Variants in AMN1 observed in about 807,000 individuals in gnomAD.
The protein encoded by AMN1 is antagonist of mitotic exit network 1 homolog.
AMN1 carries 20 observed loss-of-function variants against 33.0 expected under a neutral mutation model. The observed-to-expected ratio is 0.61, with a 90% confidence interval of 0.43 to 0.88. The LOEUF (loss-of-function observed/expected upper bound fraction) is 0.88, where lower values mean the gene tolerates loss of function less well. Ranked by LOEUF, AMN1 falls within the 40% of genes least tolerant of loss-of-function variation. AMN1 has a pLI of 0.00. For missense variants in AMN1, 246 were observed against 307.4 expected (o/e 0.80, Z 1.49); for synonymous variants, 114 against 111.9 (o/e 1.02, Z -0.12).
At chr12:31,716,146 A>G (rs1182774648) in intron 1 of AMN1, among the ~76,000 whole-genome samples, 1 of 152,098 alleles carries the variant, frequency 6.6e-6, no homozygotes, top group Non-Finnish European at 1.5e-5. Flanking sequence ...TATGTTTGTG[A>G]AATTTATCTG....
At chr12:31,704,955 T>C (rs1939160752) in intron 2 of AMN1, among the ~76,000 whole-genome samples, 1 of 152,200 alleles carries the variant, frequency 6.6e-6, no homozygotes, top group African/African-American at 2.4e-5. Context: ...ACAGTGTCAT[T>C]ATGGTTCATC....
chr12:31,694,659 T>C (rs1938645433), intron 5 of AMN1, among the ~76,000 whole-genome samples: 1 of 152,014 alleles, frequency 6.6e-6, no homozygotes, highest in South Asian at 2.1e-4. Flanking sequence ...GGTGGGAGGA[T>C]TGCTTGAGCC....
chr12:31,688,201 G>A lies in AMN1; in HGVS notation c.703+806C>T, dbSNP rs374289242. Reference sequence around the variant, plus strand: ...ACTCCCAACCTCAGGTGATCCACCCGCCTTGGCCTCCCAAAGTAATGGGAT... The same window carrying A: ...ACTCCCAACCTCAGGTGATCCACCCACCTTGGCCTCCCAAAGTAATGGGAT... On this transcript the variant is annotated intron_variant, in intron 6 of 6. Transcript: ENST00000281471. Among the ~76,000 whole-genome samples, 14 of 152,286 alleles carry A rather than the reference G, an allele frequency of 9.2e-5. 1 individual carries two copies. The highest frequency in any genetic ancestry group is 2.6e-4 in the Admixed American group (4 of 15,304).
intron 1 of AMN1, 124 bp downstream of exon 1, chr12:31,728,847 G>T: frequency 1.8e-6 from 2 of 1,112,044 alleles, no homozygotes; most frequent in Non-Finnish European, 2.5e-6. Flanking sequence ...AAACACACGC[G>T]GGGCCTCTTC....
intron 1 of AMN1, chr12:31,714,931 A>G: frequency 1.0e-6 from 1 of 983,346 alleles, no homozygotes; most frequent in Non-Finnish European, 1.2e-6. Context: ...AATTTTATTA[A>G]CCATTCAAGT....
Position 31,689,056 on chromosome 12 carries a change from G to A in AMN1, c.654C>T (p.Tyr218=). Residue 218 remains tyrosine (Y), a synonymous_variant, in exon 6 of 7, where the codon TAC becomes TAT. Coordinates refer to ENST00000281471, the MANE Select transcript of AMN1 (RefSeq NM_001113402.2). The stretch of plus-strand genomic sequence containing the variant: ...AGAGTAATATACGTATTTGAGGACA[G>A]TAAGTAAGGACAGCTTCGACAGCCC... The part of the protein sequence containing the change: ...TDGAVEAVLT[Y]CPQIRILLFH... 1 of 1,613,604 alleles carries A rather than the reference G, an allele frequency of 6.2e-7. No individual in the cohort carries two copies.
At chr12:31,711,016 T>C (rs1189839936) in intron 1 of AMN1, among the ~76,000 whole-genome samples, 5 of 151,968 alleles carry the variant, frequency 3.3e-5, no homozygotes, top group African/African-American at 1.2e-4. Context: ...TTCAAGCAAT[T>C]CTTCTGCCTC....
intron 1 of AMN1, among the ~76,000 whole-genome samples, chr12:31,710,696 A>G (rs1409216687): frequency 6.6e-6 from 1 of 152,102 alleles, no homozygotes; most frequent in Non-Finnish European, 1.5e-5. Context: ...CCTTCAAGGC[A>G]TCCGACACAG....
In AMN1 at chr12:31,697,790, A is replaced by C. The variant is rs202083072; in HGVS notation, c.484T>G (p.Leu162Val). Residue 162 changes from leucine to valine, a missense_variant, in exon 4 of 7, where the codon TTA becomes GTA. By Grantham distance (32) the Leu-to-Val change is conservative. Transcript: ENST00000281471. ...LSITDVSLHA[L>V]GKNCPFLQCV... ...TGCAAAAATGGGCAGTTTTTTCCTAATGCATGTAAGGACACATCAGTAATA... is the reference window on the plus strand; with the variant it reads ...TGCAAAAATGGGCAGTTTTTTCCTACTGCATGTAAGGACACATCAGTAATA... 1.2e-6 allele frequency: 2 copies of C among 1,614,020 alleles called. No homozygotes were observed. Among genetic ancestry groups the C allele is most frequent in the East Asian group, 4.5e-5 (2 of 44,886 alleles).
In AMN1 at chr12:31,683,581, TAAATAAG is replaced by T. The variant is rs1353542633; in HGVS notation, c.703+5419_703+5425del. 7.1e-6 allele frequency among the ~76,000 whole-genome samples: 1 copy of T among 139,952 alleles called. No homozygotes were observed. The highest frequency in any genetic ancestry group is 1.7e-5 in the Non-Finnish European group (1 of 59,844). The allele number at this position is 139,952 out of a possible 152,430, so 91.8% of individuals were successfully genotyped here. A position where few individuals can be genotyped will look rare whatever the true frequency, so the allele number is the denominator to read the frequency against. ...CTTTCCTGTGCTGTTCTTATGATAGTAAATAAGTCTCATGAGATCTGATGGTTTTAAA... is the reference window on the plus strand; with the variant it reads ...CTTTCCTGTGCTGTTCTTATGATAGTTCTCATGAGATCTGATGGTTTTAAA... On this transcript the variant is annotated intron_variant, in intron 6 of 6. Coordinates refer to ENST00000281471, the MANE Select transcript of AMN1 (RefSeq NM_001113402.2). This position sits in a 1 kb window ranked among gnomAD's most constrained non-coding sequence, Gnocchi z 4.1.
intron 2 of AMN1, 120 bp downstream of exon 2, chr12:31,709,172 AT>A: frequency 2.7e-6 from 3 of 1,098,334 alleles, no homozygotes; most frequent in Non-Finnish European, 3.9e-6. Flanking sequence ...ATGACCCTGT[AT>A]AAAAAAAAAA....
intron 6 of AMN1, among the ~76,000 whole-genome samples, chr12:31,679,451 A>G (rs1937896499): frequency 6.6e-6 from 1 of 152,098 alleles, no homozygotes; most frequent in African/African-American, 2.4e-5. Flanking sequence ...GAATCGCTTG[A>G]ACCTGGGAGG....
Position 31,697,915 on chromosome 12 carries a change from G to A in AMN1, c.359C>T (p.Ala120Val), listed in dbSNP as rs1185622112. ...GAGATTGCAGCATCTTTTCAAAGAA[G>A]CTTCGTGTAGGTATGAACAAGATGA... ...VASSCSYLHE[A>V]SLKRCCNLTD... The change falls in exon 4 of 7, where the codon GCT (alanine) becomes GTT (valine). Residue 120 changes from alanine (A) to valine (V), a missense_variant. By Grantham distance (64) the Ala-to-Val change is moderately conservative. Transcript: ENST00000281471. 2.5e-6 allele frequency: 4 copies of A among 1,613,896 alleles called. No individual in the cohort carries two copies. In the African/African-American group the frequency reaches 5.3e-5, roughly 22 times the overall value.
At chr12:31,677,359 C>T (rs569992070) in intron 6 of AMN1, among the ~76,000 whole-genome samples, 76 of 152,280 alleles carry the variant, frequency 5.0e-4, no homozygotes, top group Non-Finnish European at 8.2e-4. Context: ...GCTAACGGGT[C>T]ATTTATGCTA....
At chr12:31,729,083 G>A (rs1405957636), upstream of AMN1, 4 of 1,417,644 alleles carry the variant, frequency 2.8e-6, no homozygotes, top group Non-Finnish European at 3.8e-6. Context: ...GCCAACTCCC[G>A]CCCACCGCGC....
Position 31,701,288 on chromosome 12 carries a change from C to T in AMN1, c.316+575G>A, listed in dbSNP as rs917150952. Among the ~76,000 whole-genome samples the T allele has an allele frequency of 4.6e-5, 7 of 152,080 alleles. No individual in the cohort carries two copies. The South Asian group carries it at 1.5e-3, about 32-fold the overall frequency. Reference sequence around the variant, plus strand: ...TGCTGGGATTACAGGCATGAGCCACCGCACCTGGCCCTATTTTTTATTTCT... The same window carrying T: ...TGCTGGGATTACAGGCATGAGCCACTGCACCTGGCCCTATTTTTTATTTCT... On this transcript the variant is annotated intron_variant, in intron 3 of 6. Coordinates refer to ENST00000281471, the MANE Select transcript of AMN1 (RefSeq NM_001113402.2).
intron 3 of AMN1, among the ~76,000 whole-genome samples, chr12:31,700,505 C>A (rs1248725142): frequency 6.6e-6 from 1 of 152,066 alleles, no homozygotes; most frequent in Non-Finnish European, 1.5e-5. Flanking sequence ...AAAAGCTATG[C>A]ATTACACAAA....
At chr12:31,721,771 G>A (rs567575411) in intron 1 of AMN1, among the ~76,000 whole-genome samples, 1 of 152,270 alleles carries the variant, frequency 6.6e-6, no homozygotes, top group South Asian at 2.1e-4. Context: ...CTCCTCTTTA[G>A]GACTGTGAAC....
At chr12:31,706,006 T>C (rs1939219261) in intron 2 of AMN1, among the ~76,000 whole-genome samples, 1 of 152,086 alleles carries the variant, frequency 6.6e-6, no homozygotes, top group Admixed American at 6.6e-5. Flanking sequence ...ATTTTCATAT[T>C]TTCTCTAATA....
Sources: gnomAD v4.1 joint callset for allele counts (sites outside exome capture counted in the v4.1 genomes callset) on GRCh38, gnomAD v4.1.1 for gene constraint, Gnocchi (gnomAD v3.1) non-coding constraint, MANE v1.5 for transcripts, NCBI Gene and HGNC (gene_info 2026-07-23, HGNC 2026-07-21) for gene names.